ZPBP: variants seen among roughly 807,000 people sequenced by gnomAD.
The protein encoded by ZPBP is zona pellucida binding protein.
A neutral mutation model predicts 44.8 loss-of-function variants in ZPBP; 26 were observed. That is an observed-to-expected ratio of 0.58 (90% CI 0.43 to 0.81). ZPBP has a LOEUF of 0.81. Among genes scored for constraint, ZPBP ranks in the 30% least tolerant of loss-of-function variants. The probability of loss-of-function intolerance (pLI) is 0.00; values close to 1 mark genes in which losing one functional copy is unlikely to be tolerated. For synonymous variants in ZPBP, 174 were observed against 153.2 expected (o/e 1.14, Z -1.00); for missense variants, 409 against 434.0 (o/e 0.94, Z 0.51).
At chr7:49,854,650 C>A (rs1790342194) in intron 2 of ZPBP, among the ~76,000 whole-genome samples, 1 of 152,130 alleles carries the variant, frequency 6.6e-6, no homozygotes, top group African/African-American at 2.4e-5. Context: ...AATTTTTCTC[C>A]CATTCTGTAG....
At chr7:50,076,230 T>C (rs746872542) in intron 3 of ZPBP, among the ~76,000 whole-genome samples, 1 of 151,644 alleles carries the variant, frequency 6.6e-6, no homozygotes, top group Admixed American at 6.6e-5. Flanking sequence ...CCCTTCATGA[T>C]AAGAACCCAA....
intron 6 of ZPBP, among the ~76,000 whole-genome samples, chr7:50,005,897 G>A (rs947521810): frequency 1.4e-5 from 2 of 145,308 alleles, no homozygotes; most frequent in South Asian, 2.3e-4. Flanking sequence ...AGGTTCTAAC[G>A]ATATGCTTTC....
intron 7 of ZPBP, among the ~76,000 whole-genome samples, chr7:49,972,595 G>A (rs1796343609): frequency 6.6e-6 from 1 of 151,916 alleles, no homozygotes; most frequent in South Asian, 2.1e-4. Context: ...ATAAATAACT[G>A]GAAAGGCATT....
chr7:49,877,479 AAAATATATATATAT>A (rs1791470079), intron 2 of ZPBP, among the ~76,000 whole-genome samples: 2 of 12,746 alleles, frequency 1.6e-4, no homozygotes, highest in Admixed American at 9.5e-4. Context: ...AAAAAAAAAA[AAAATATATATATAT>A]ATATATATAT....
chr7:49,964,001 A>T (rs1375884037), intron 7 of ZPBP, among the ~76,000 whole-genome samples: 1 of 151,916 alleles, frequency 6.6e-6, no homozygotes, highest in African/African-American at 2.4e-5. Context: ...GGAGTTTGAT[A>T]AAAGAACATA....
At chr7:49,970,211 C>A (rs1315243249) in intron 7 of ZPBP, among the ~76,000 whole-genome samples, 1 of 152,030 alleles carries the variant, frequency 6.6e-6, no homozygotes, top group African/African-American at 2.4e-5. Flanking sequence ...AATAGATGTA[C>A]AGAAAAACAA....
intron 2 of ZPBP, among the ~76,000 whole-genome samples, chr7:49,870,898 A>G (rs1002130316): frequency 6.6e-6 from 1 of 152,270 alleles, no homozygotes; most frequent in East Asian, 1.9e-4. Flanking sequence ...TGAACTCCAT[A>G]GAACCTAGGC....
intron 7 of ZPBP, chr7:49,940,668 C>T (rs1794837235): frequency 2.9e-6 from 2 of 683,074 alleles, no homozygotes; most frequent in Non-Finnish European, 3.6e-6. Context: ...AAAAAAAAAG[C>T]TGTGTTTGAA....
downstream of ZPBP, among the ~76,000 whole-genome samples, chr7:49,933,893 G>A (rs571840431): frequency 6.8e-6 from 1 of 147,030 alleles, no homozygotes; most frequent in Admixed American, 6.8e-5. Context: ...CACACACCAG[G>A]GCCTGTTGTG....
At chr7:49,998,196 G>A (rs1054730827) in intron 6 of ZPBP, among the ~76,000 whole-genome samples, 4 of 152,198 alleles carry the variant, frequency 2.6e-5, no homozygotes, top group Non-Finnish European at 4.4e-5. Context: ...GATTACAGGC[G>A]TGAACCACCA....
chr7:49,898,694 G>A (rs1207091163), intron 2 of ZPBP, among the ~76,000 whole-genome samples: 2 of 152,044 alleles, frequency 1.3e-5, no homozygotes, highest in Admixed American at 1.3e-4. Flanking sequence ...ACAGCAGTAG[G>A]ACAATGGATA....
intron 2 of ZPBP, among the ~76,000 whole-genome samples, chr7:49,852,029 A>AT (rs1237993943): frequency 6.6e-6 from 1 of 152,128 alleles, no homozygotes; most frequent in Non-Finnish European, 1.5e-5. Flanking sequence ...TAGGGTCCGG[A>AT]TTTAATCCGG....
chr7:50,051,583 G>T (rs1380566530), intron 4 of ZPBP, among the ~76,000 whole-genome samples: 1 of 152,048 alleles, frequency 6.6e-6, no homozygotes, highest in East Asian at 1.9e-4. Flanking sequence ...TGATAGACTG[G>T]ATAAAGAAAA....
At chr7:49,873,106 C>T (rs958093422) in intron 2 of ZPBP, among the ~76,000 whole-genome samples, 6 of 151,954 alleles carry the variant, frequency 3.9e-5, no homozygotes, top group East Asian at 1.9e-4. Context: ...ACAATACAAA[C>T]GAAAGCAAAT....
intron 6 of ZPBP, among the ~76,000 whole-genome samples, chr7:49,999,833 A>G (rs544650942): frequency 6.6e-6 from 1 of 152,276 alleles, no homozygotes; most frequent in Admixed American, 6.5e-5. Flanking sequence ...TTCTACACAC[A>G]CCAGAAATAA....
At chr7:49,928,077 A>C in intron 1 of ZPBP, among the ~76,000 whole-genome samples, 1 of 152,124 alleles carries the variant, frequency 6.6e-6, no homozygotes, top group East Asian at 1.9e-4. Context: ...AAAATTGGGC[A>C]CTCAGAAGAG....
intron 7 of ZPBP, 23 bp downstream of exon 7, chr7:49,983,319 T>C (rs1230372150): frequency 6.2e-7 from 1 of 1,610,270 alleles, no homozygotes; most frequent in Non-Finnish European, 8.5e-7. Context: ...ATATAAAACA[T>C]GAAATCATAA....
downstream of ZPBP, among the ~76,000 whole-genome samples, chr7:49,849,629 A>G (rs770759012): frequency 7.2e-5 from 11 of 152,252 alleles, no homozygotes. Context: ...GTGTGAGAAC[A>G]TGCACCATTA....
chr7:49,946,873 A>C (rs111839459), intron 7 of ZPBP, among the ~76,000 whole-genome samples: 215 of 152,196 alleles, frequency 1.4e-3, no homozygotes, highest in Non-Finnish European at 2.4e-3. Context: ...TCTTCTAGAC[A>C]TGCTTCATCT....
Sources: allele counts gnomAD v4.1 joint callset (sites outside exome capture counted in the v4.1 genomes callset), GRCh38; gene constraint gnomAD v4.1.1; transcripts MANE v1.5; gene names NCBI Gene and HGNC (gene_info 2026-07-23, HGNC 2026-07-21).